Variants in OTULIN observed in about 807,000 individuals in gnomAD.
OTULIN encodes the protein OTU deubiquitinase with linear linkage specificity.
A neutral mutation model predicts 39.6 loss-of-function variants in OTULIN; 15 were observed. The observed-to-expected ratio is 0.38, with a 90% confidence interval of 0.25 to 0.58. OTULIN has a LOEUF of 0.58. Among genes scored for constraint, OTULIN ranks in the 20% least tolerant of loss-of-function variants. The pLI is 0.66. For missense variants in OTULIN, 319 were observed against 445.9 expected (o/e 0.72, Z 2.56); for synonymous variants, 156 against 170.3 (o/e 0.92, Z 0.65).
At chr5:14,686,305 T>C (rs765603745) in intron 4 of OTULIN, among the ~76,000 whole-genome samples, 1 of 152,128 alleles carries the variant, frequency 6.6e-6, no homozygotes, top group Non-Finnish European at 1.5e-5. Flanking sequence ...CTATATAAAG[T>C]TTTTAATTTT....
Position 14,678,765 on chromosome 5 carries a change from G to C in OTULIN, c.314G>C (p.Cys105Ser). ...EWRGNTQKATCMKMGYEEVSQ... is the reference protein window; with the variant it reads ...EWRGNTQKATSMKMGYEEVSQ... ...AGAGGAAATACACAGAAAGCAACGT[G>C]TATGAAAATGGTATGACACAGAGGT... Residue 105 changes from cysteine (C) to serine (S), a missense_variant, in exon 3 of 7, where the codon TGT becomes TCT. Physicochemically the swap from Cys to Ser is moderately radical, Grantham distance 112. Transcript: ENST00000284274. 6.2e-7 allele frequency: 1 copy of C among 1,605,524 alleles called. No individual in the cohort carries two copies. The highest frequency in any genetic ancestry group is 8.5e-7 in the Non-Finnish European group (1 of 1,176,020).
rs1019280300 is a variant in OTULIN, at chr5:14,694,913, G to GT, written c.*1871dup. The GT allele has an allele frequency of 2.0e-5, 3 of 152,560 alleles. No individual in the cohort carries two copies. The highest frequency in any genetic ancestry group is 4.4e-5 in the Non-Finnish European group (3 of 68,022). 9.5% of individuals were successfully genotyped at this position (152,560 alleles called of 1,614,324 possible). A position where few individuals can be genotyped will look rare whatever the true frequency, so the allele number is the denominator to read the frequency against. Reference sequence around the variant, plus strand: ...GAAATGCTTATCATTAATTTCTGATGTTTTTTAAAGCACAACTCGAAACAT... The same window carrying GT: ...GAAATGCTTATCATTAATTTCTGATGTTTTTTTAAAGCACAACTCGAAACAT... On this transcript the variant is annotated 3_prime_UTR_variant, in exon 7 of 7. Coordinates refer to ENST00000284274, the MANE Select transcript of OTULIN (RefSeq NM_138348.6).
In OTULIN at chr5:14,693,861, G is replaced by A. The variant is rs965128020; in HGVS notation, c.*813G>A. ...AGCGCACTGGAGTCTGGGGCTTGGT[G>A]CAGGTGGTGCCCCATCAGTGTGGAC... On this transcript the variant is annotated 3_prime_UTR_variant, in exon 7 of 7. Transcript: ENST00000284274. 7.2e-5 allele frequency: 11 copies of A among 152,244 alleles called. No homozygotes were observed. Among genetic ancestry groups the A allele is most frequent in the African/African-American group, 2.7e-4 (11 of 41,450 alleles). 9.4% of individuals were successfully genotyped at this position (152,244 alleles called of 1,614,324 possible).
chr5:14,664,871 A>C lies in OTULIN; in HGVS notation c.46A>C (p.Ser16Arg), dbSNP rs892872955. 8.3e-7 allele frequency: 1 copy of C among 1,199,338 alleles called. No homozygotes were observed. The highest frequency in any genetic ancestry group is 1.6e-5 in the African/African-American group (1 of 63,164). 74.3% of individuals were successfully genotyped at this position (1,199,338 alleles called of 1,614,324 possible). A position where few individuals can be genotyped will look rare whatever the true frequency, so the allele number is the denominator to read the frequency against. The stretch of plus-strand genomic sequence containing the variant: ...CCAGCCCGAAGCGTGGCCAGGCGCG[A>C]GCTGCGCCGAGACGCCGGCGCGGGA... ...MPQPEAWPGA[S>R]CAETPAREAA... The change falls in exon 1 of 7, where the codon AGC (serine) becomes CGC (arginine). Residue 16 changes from serine (S) to arginine (R), a missense_variant. Ser to Arg is a moderately radical substitution (Grantham distance 110). Coordinates refer to ENST00000284274, the MANE Select transcript of OTULIN (RefSeq NM_138348.6).
At chr5:14,682,060 C>T (rs1040278233) in intron 4 of OTULIN, among the ~76,000 whole-genome samples, 6 of 152,234 alleles carry the variant, frequency 3.9e-5, no homozygotes, top group African/African-American at 1.2e-4. Context: ...GACATGATTA[C>T]TGTCACATGG....
the OTULIN span, among the ~76,000 whole-genome samples, chr5:14,716,149 C>T: frequency 4.6e-5 from 7 of 152,222 alleles, no homozygotes; most frequent in Non-Finnish European, 8.8e-5. Context: ...CAAAGCTCCA[C>T]ATGCTATCCT....
the OTULIN span, among the ~76,000 whole-genome samples, chr5:14,715,422 C>T: frequency 2.0e-5 from 3 of 152,364 alleles, no homozygotes; most frequent in South Asian, 2.1e-4. Flanking sequence ...TAAGCCACTG[C>T]GCCCGGCCCA....
At chr5:14,689,213 G>C (rs1353357236) in intron 5 of OTULIN, among the ~76,000 whole-genome samples, 1 of 152,202 alleles carries the variant, frequency 6.6e-6, no homozygotes, top group African/African-American at 2.4e-5. Context: ...ACTTGGTCTA[G>C]TTTGGAAAAT....
chr5:14,670,512 C>T (rs999488533), intron 1 of OTULIN, among the ~76,000 whole-genome samples: 1 of 152,170 alleles, frequency 6.6e-6, no homozygotes, highest in Non-Finnish European at 1.5e-5. Flanking sequence ...CTATTTCATT[C>T]TGCCTGCGAA....
chr5:14,705,853 C>T, the OTULIN span: 2 of 152,394 alleles, frequency 1.3e-5, no homozygotes, highest in East Asian at 1.9e-4. Flanking sequence ...TCATTCAAAC[C>T]GTGGGTCCCT....
Position 14,684,553 on chromosome 5 carries a change from C to T in OTULIN, c.468+2946C>T, listed in dbSNP as rs962539021. On this transcript the variant is annotated intron_variant, in intron 4 of 6. Coordinates refer to ENST00000284274, the MANE Select transcript of OTULIN (RefSeq NM_138348.6). ...TTCCATTCCTGTTCTCACTCTGGCCCCCCTGGCCCCACAGCCCTTCCCTTG... is the reference window on the plus strand; with the variant it reads ...TTCCATTCCTGTTCTCACTCTGGCCTCCCTGGCCCCACAGCCCTTCCCTTG... Among the ~76,000 whole-genome samples the T allele has an allele frequency of 2.0e-5, 3 of 152,210 alleles. 1 individual carries two copies. Among genetic ancestry groups the T allele is most frequent in the South Asian group, 4.1e-4 (2 of 4,832 alleles).
At chr5:14,674,736 CAGTG>C (rs368681893) in intron 2 of OTULIN, among the ~76,000 whole-genome samples, 26 of 152,042 alleles carry the variant, frequency 1.7e-4, no homozygotes, top group African/African-American at 6.3e-4. Context: ...ACCTGGGTAA[CAGTG>C]AGACCTTGTC....
chr5:14,716,220 C>T, the OTULIN span, among the ~76,000 whole-genome samples: 3 of 152,108 alleles, frequency 2.0e-5, no homozygotes, highest in South Asian at 2.1e-4. Flanking sequence ...ACAAGTTGTA[C>T]GCCAGGTGCA....
In OTULIN at chr5:14,664,818, G is replaced by C; in HGVS notation, c.-8G>C. The C allele has an allele frequency of 8.2e-7, 1 of 1,217,120 alleles. No homozygotes were observed. The highest frequency in any genetic ancestry group is 1.0e-6 in the Non-Finnish European group (1 of 976,646). The allele number at this position is 1,217,120 out of a possible 1,614,324, so 75.4% of individuals were successfully genotyped here. Reference sequence around the variant, plus strand: ...GCCGGCTGAACCCCTTCGGCCGCGAGCGACCGCATGAGTCGGGGGACTATG... The same window carrying C: ...GCCGGCTGAACCCCTTCGGCCGCGACCGACCGCATGAGTCGGGGGACTATG... On this transcript the variant is annotated 5_prime_UTR_variant, in exon 1 of 7. Coordinates refer to ENST00000284274, the MANE Select transcript of OTULIN (RefSeq NM_138348.6).
chr5:14,711,106 AAG>A, the OTULIN span: 159 of 1,179,232 alleles, frequency 1.3e-4, 1 homozygote, highest in South Asian at 1.8e-3. Context: ...AAACAAAAAA[AAG>A]GGAACAAAAT....
chr5:14,665,341 C>T (rs1735806944), intron 1 of OTULIN, among the ~76,000 whole-genome samples: 1 of 152,066 alleles, frequency 6.6e-6, no homozygotes, highest in African/African-American at 2.4e-5. Flanking sequence ...GAAGTGAGGT[C>T]GACCCTGCTG....
chr5:14,671,538 GA>G (rs1335758734), intron 1 of OTULIN, among the ~76,000 whole-genome samples: 1 of 152,208 alleles, frequency 6.6e-6, no homozygotes, highest in African/African-American at 2.4e-5. Flanking sequence ...AAATTATTGA[GA>G]GAAGAACGAA....
At chr5:14,710,530 G>C in the OTULIN span, 1 of 154,918 alleles carries the variant, frequency 6.5e-6, no homozygotes, top group Non-Finnish European at 1.4e-5. Flanking sequence ...GCTGCCCCCG[G>C]GGCATTTCAA....
At chr5:14,711,341 C>T in the OTULIN span, 2 of 1,588,252 alleles carry the variant, frequency 1.3e-6, no homozygotes, top group Non-Finnish European at 1.7e-6. Flanking sequence ...CAGTGTGGGG[C>T]TGTGGATGGG....
Sources: gnomAD v4.1 joint callset for allele counts (sites outside exome capture counted in the v4.1 genomes callset) on GRCh38, gnomAD v4.1.1 for gene constraint, MANE v1.5 for transcripts, NCBI Gene and HGNC (gene_info 2026-07-23, HGNC 2026-07-21) for gene names.